Variants in MED17 observed in about 807,000 individuals in gnomAD.
MED17 encodes the protein mediator of RNA polymerase II transcription subunit 17.
In MED17, 49 loss-of-function variants were observed where a neutral mutation model predicts 80.8. That is an observed-to-expected ratio of 0.61 (90% confidence interval 0.48 to 0.77). The LOEUF is 0.77. Ranked by LOEUF, MED17 falls within the 30% of genes least tolerant of loss-of-function variation. The probability of loss-of-function intolerance (pLI) is 0.00; values close to 1 mark genes in which losing one functional copy is unlikely to be tolerated. For synonymous variants in MED17, 281 were observed against 280.4 expected (o/e 1.00, Z -0.02); for missense variants, 718 against 787.0 (o/e 0.91, Z 1.05).
chr11:93,805,198 T>C (rs747119442), intron 9 of MED17, among the ~76,000 whole-genome samples: 1 of 152,236 alleles, frequency 6.6e-6, no homozygotes, highest in African/African-American at 2.4e-5. Flanking sequence ...ATCGGTCTTC[T>C]GTTGTTGAAC....
intron 5 of MED17, 151 bp downstream of exon 5, chr11:93,794,186 G>T: frequency 7.8e-5 from 42 of 541,070 alleles, no homozygotes; most frequent in East Asian, 1.1e-4. Flanking sequence ...AACTATTAGT[G>T]AATAGCTGTG....
intron 1 of MED17, among the ~76,000 whole-genome samples, chr11:93,785,220 G>C (rs1943756904): frequency 6.6e-6 from 1 of 152,184 alleles, no homozygotes; most frequent in South Asian, 2.1e-4. Flanking sequence ...GAGGTAGGCG[G>C]GTCCAGATCA....
chr11:93,808,050 C>A (rs1019522920), intron 10 of MED17: 1 of 253,098 alleles, frequency 4.0e-6, no homozygotes, highest in Non-Finnish European at 7.7e-6. Flanking sequence ...AATCTCAAGT[C>A]CAAGGGGCAG....
intron 2 of MED17, chr11:93,789,832 A>T (rs1943813300): frequency 6.7e-6 from 1 of 150,280 alleles, no homozygotes; most frequent in Non-Finnish European, 1.5e-5. Context: ...GGTGTTGCAC[A>T]TCTGGAGTCC....
chr11:93,787,931 T>TAAA (rs1420791448), intron 1 of MED17, 70 bp from the exon 2 acceptor site: 3 of 1,295,686 alleles, frequency 2.3e-6, no homozygotes, highest in African/African-American at 1.5e-5. Context: ...TTTTTAAACC[T>TAAA]AAGTGAGCTG....
chr11:93,810,112 G>A (rs1040011991), intron 11 of MED17: 13 of 497,972 alleles, frequency 2.6e-5, no homozygotes, highest in African/African-American at 2.5e-4. Flanking sequence ...GAGATAGTCT[G>A]AAAAGTATCA....
intron 8 of MED17, among the ~76,000 whole-genome samples, chr11:93,799,149 A>G (rs1184573251): frequency 1.3e-5 from 2 of 151,528 alleles, no homozygotes; most frequent in African/African-American, 4.8e-5. Flanking sequence ...CAGCCTGGGC[A>G]ACATAGTGAG....
In MED17 at chr11:93,812,451, T is replaced by A. The variant is rs950483497; in HGVS notation, c.*387T>A. 17 of 400,604 alleles carry A rather than the reference T, an allele frequency of 4.2e-5. No homozygotes were observed. The highest frequency in any genetic ancestry group is 3.1e-4 in the African/African-American group (15 of 48,538). The allele number at this position is 400,604 out of a possible 1,614,324, so 24.8% of individuals were successfully genotyped here. ...CCCCCAAATACTTTCTAAACTTTTT[T>A]TTTTTGAGATGGTATCTCACTCTGT... On this transcript the variant is annotated 3_prime_UTR_variant, in exon 12 of 12. Transcript: ENST00000251871.
At position 93,794,049 on chromosome 11, in the gene MED17, C is replaced by A; in HGVS notation, c.859+14C>A. 6.3e-7 allele frequency: 1 copy of A among 1,598,814 alleles called. No homozygotes were observed. The highest frequency in any genetic ancestry group is 2.2e-5 in the East Asian group (1 of 44,788). On this transcript the variant is annotated intron_variant, in intron 5 of 11. Transcript: ENST00000251871. ...AATCCAAACCAGGTATGGTTATGTT[C>A]TATTCTCTAATTTCTGGTCTTATTT...
intron 5 of MED17, 167 bp from the exon 6 acceptor site, chr11:93,794,741 G>A (rs558817034): frequency 5.2e-5 from 35 of 674,364 alleles, no homozygotes; most frequent in South Asian, 4.5e-4. Flanking sequence ...AACACAGTTG[G>A]CATTGGCAAT....
At position 93,784,311 on chromosome 11, in the gene MED17, G is replaced by A. The variant is rs926095820; in HGVS notation, c.-203G>A. 2 of 668,668 alleles carry A rather than the reference G, an allele frequency of 3.0e-6. No individual in the cohort carries two copies. Among genetic ancestry groups the A allele is most frequent in the Non-Finnish European group, 4.9e-6 (2 of 410,588 alleles). The allele number at this position is 668,668 out of a possible 1,614,324, so 41.4% of individuals were successfully genotyped here. ...TTGCTCCGAAAGACTTACCGAGGAG[G>A]GAGCTTGCGGTGCGTTCTGGGAAAG... On this transcript the variant is annotated 5_prime_UTR_variant, in exon 1 of 12. Coordinates refer to ENST00000251871, the MANE Select transcript of MED17 (RefSeq NM_004268.5).
chr11:93,791,055 C>T (rs1943830881), intron 3 of MED17, among the ~76,000 whole-genome samples: 1 of 152,186 alleles, frequency 6.6e-6, no homozygotes, highest in Non-Finnish European at 1.5e-5. Context: ...TTGCAGTGAG[C>T]CAAGATCGCA....
chr11:93,785,554 C>CA (rs1275196100), intron 1 of MED17, among the ~76,000 whole-genome samples: 2 of 151,648 alleles, frequency 1.3e-5, no homozygotes, highest in East Asian at 1.9e-4. Flanking sequence ...GGTCTATTTG[C>CA]AAAAAAAGGT....
intron 10 of MED17, chr11:93,808,710 A>G (rs984245957): frequency 6.6e-6 from 1 of 152,044 alleles, no homozygotes; most frequent in South Asian, 2.1e-4. Context: ...TTTGTTAGGT[A>G]TGGCAGCTCT....
In MED17 at chr11:93,790,618, T is replaced by C. The variant is rs1943824516; in HGVS notation, c.462T>C (p.Ala154=). The C allele has an allele frequency of 6.2e-7, 1 of 1,614,070 alleles. No individual in the cohort carries two copies. ...TGATATCTAAAAAGAAGTCACTTGC[T>C]GGAGCAGCACAAATCTTATTGAAGG... is the stretch of plus-strand genomic sequence containing the variant. ...LQLISKKKSL[A]GAAQILLKGA... is the part of the protein sequence containing the mutation. Residue 154 remains alanine (A), a synonymous_variant, in exon 3 of 12, where the codon GCT becomes GCC. Coordinates refer to ENST00000251871, the MANE Select transcript of MED17 (RefSeq NM_004268.5).
At chr11:93,800,628 CAA>C (rs35380211) in intron 8 of MED17, 2,670 of 115,982 alleles carry the variant, frequency 0.023, 45 homozygotes, top group African/African-American at 0.043. Flanking sequence ...GACTTTGTCT[CAA>C]AAAAAAAAAA....
Position 93,812,127 on chromosome 11 carries a change from A to C in MED17, c.*63A>C, listed in dbSNP as rs1444046010. ...TTTGACTTGAAATGTTTGCAGATCA[A>C]CTATAAGCACAAAGAAGAGATAACT... is the stretch of plus-strand genomic sequence containing the variant. On this transcript the variant is annotated 3_prime_UTR_variant, in exon 12 of 12. Coordinates refer to ENST00000251871, the MANE Select transcript of MED17 (RefSeq NM_004268.5). 2.2e-6 allele frequency: 3 copies of C among 1,347,046 alleles called. No homozygotes were observed. The highest frequency in any genetic ancestry group is 1.4e-5 in the African/African-American group (1 of 69,492). 83.4% of individuals were successfully genotyped at this position (1,347,046 alleles called of 1,614,324 possible). A position where few individuals can be genotyped will look rare whatever the true frequency, so the allele number is the denominator to read the frequency against.
rs143412294 is a variant in MED17, at chr11:93,810,178, AT to A, written c.1744+303del. 3,986 of 379,366 alleles carry A rather than the reference AT, an allele frequency of 0.011. 135 individuals are homozygous for A. Among genetic ancestry groups the A allele is most frequent in the African/African-American group, 0.074 (3,551 of 48,036 alleles). The allele number at this position is 379,366 out of a possible 1,614,324, so 23.5% of individuals were successfully genotyped here. On this transcript the variant is annotated intron_variant, in intron 11 of 11. Coordinates refer to ENST00000251871, the MANE Select transcript of MED17 (RefSeq NM_004268.5). Reference sequence around the variant, plus strand: ...TTAATGGATAAAAACTTTAAAAAAAATATATACTGCTGTAAACATGGGAAGA... The same window carrying A: ...TTAATGGATAAAAACTTTAAAAAAAAATATACTGCTGTAAACATGGGAAGA...
rs755338829 is a variant in MED17 at position 93,795,080 on chromosome 11, G to A, written c.1012+20G>A. 6.8e-6 allele frequency: 11 copies of A among 1,613,802 alleles called. No individual in the cohort carries two copies. Among genetic ancestry groups the A allele is most frequent in the Admixed American group, 3.3e-5 (2 of 60,008 alleles). On this transcript the variant is annotated intron_variant, in intron 6 of 11. Coordinates refer to ENST00000251871, the MANE Select transcript of MED17 (RefSeq NM_004268.5). ...TTCCGAGTAAGAGCAGCCCTTTTTC[G>A]ACTTTATGAACAGGACTTTGTGTTT...
Sources: allele counts gnomAD v4.1 joint callset (sites outside exome capture counted in the v4.1 genomes callset), GRCh38; gene constraint gnomAD v4.1.1; transcripts MANE v1.5; gene names NCBI Gene and HGNC (gene_info 2026-07-23, HGNC 2026-07-21).